BAZ2B: variants seen among roughly 807,000 people sequenced by gnomAD.
BAZ2B encodes the protein bromodomain adjacent to zinc finger domain 2B, also known as bromodomain adjacent to zinc finger domain protein 2B.
A neutral mutation model predicts 246.0 loss-of-function variants in BAZ2B; 91 were observed. That is an observed-to-expected ratio of 0.37 (90% CI 0.31 to 0.44). BAZ2B has a LOEUF of 0.44. Ranked by LOEUF, BAZ2B falls within the 20% of genes least tolerant of loss-of-function variation. The pLI is 1.00. For synonymous variants in BAZ2B, 855 were observed against 860.0 expected, an observed-to-expected ratio of 0.99 and a Z score of 0.10; for missense variants, 2,332 against 2,533.7, an observed-to-expected ratio of 0.92 and a Z score of 1.71.
intron 6 of BAZ2B, among the ~76,000 whole-genome samples, chr2:159,445,398 A>G (rs555385736): frequency 1.3e-5 from 2 of 152,338 alleles, no homozygotes; most frequent in African/African-American, 2.4e-5. Context: ...GAGTAATGAA[A>G]TAAAGATAAC....
the BAZ2B span, among the ~76,000 whole-genome samples, chr2:159,704,470 A>T: frequency 2.6e-4 from 24 of 93,774 alleles, no homozygotes; most frequent in African/African-American, 4.0e-4. Context: ...CTCCCTCTCT[A>T]TCTTTCTTTT....
At chr2:159,325,560 T>G (rs371805580) in intron 35 of BAZ2B, 93 bp downstream of exon 35, 2 of 1,340,140 alleles carry the variant, frequency 1.5e-6, no homozygotes. Flanking sequence ...TTTACATAAA[T>G]TATCAGAAAG....
rs188526408 is a variant in BAZ2B, at chr2:159,399,562, C to T, written c.2899-668G>A. Among the ~76,000 whole-genome samples the T allele has an allele frequency of 2.4e-4, 36 of 151,992 alleles. No homozygotes were observed. In the East Asian group the frequency reaches 2.7e-3, roughly 11 times the overall value. On this transcript the variant is annotated intron_variant, in intron 17 of 36. Coordinates refer to ENST00000392783, the MANE Select transcript of BAZ2B (RefSeq NM_013450.4). ...GACCATGCTATTTATCAAACATAAGCTTCATAATCTTAAAATCATTAACTG... is the reference window on the plus strand; with the variant it reads ...GACCATGCTATTTATCAAACATAAGTTTCATAATCTTAAAATCATTAACTG...
intron 27 of BAZ2B, among the ~76,000 whole-genome samples, chr2:159,352,538 T>G (rs2058675256): frequency 6.6e-6 from 1 of 150,692 alleles, no homozygotes; most frequent in Admixed American, 6.7e-5. Flanking sequence ...CAGGCTGGAG[T>G]GCAGTGGTGT....
intron 14 of BAZ2B, 92 bp downstream of exon 14, chr2:159,412,243 G>A: frequency 7.8e-7 from 1 of 1,282,378 alleles, no homozygotes; most frequent in East Asian, 2.5e-5. Flanking sequence ...TAAAAATTGA[G>A]AGCAGTGTCA....
intron 6 of BAZ2B, among the ~76,000 whole-genome samples, chr2:159,443,547 T>G (rs915823409): frequency 6.6e-6 from 1 of 152,178 alleles, no homozygotes; most frequent in African/African-American, 2.4e-5. Flanking sequence ...TAGGATTTTC[T>G]TCTTTAGTTC....
chr2:159,588,214 C>CAA (rs556237766), intron 1 of BAZ2B, among the ~76,000 whole-genome samples: 9,593 of 109,110 alleles, frequency 0.088, 1,246 homozygotes, highest in African/African-American at 0.29. Context: ...GACCCTGCAT[C>CAA]AAAAAAAAAA....
At chr2:159,533,990 G>T (rs892548230) in intron 2 of BAZ2B, among the ~76,000 whole-genome samples, 12 of 152,228 alleles carry the variant, frequency 7.9e-5, no homozygotes, top group African/African-American at 2.6e-4. Context: ...AATAAATATT[G>T]TAAGTTTTCC....
intron 25 of BAZ2B, among the ~76,000 whole-genome samples, chr2:159,375,350 A>G (rs1297547324): frequency 6.6e-6 from 1 of 152,220 alleles, no homozygotes; most frequent in African/African-American, 2.4e-5. Context: ...ATACCAAGGG[A>G]GGCTTTATGA....
In BAZ2B at chr2:159,403,495, C is replaced by T. The variant is rs575150381; in HGVS notation, c.2832+1354G>A. On this transcript the variant is annotated intron_variant, in intron 16 of 36. Transcript: ENST00000392783. ...TTAGTAAATAGAATAAGCTATAAAA[C>T]TTTTTCAATAAAAGTATAACAGAAA... Among the ~76,000 whole-genome samples the T allele has an allele frequency of 2.0e-4, 30 of 152,146 alleles. 1 individual carries two copies. In the South Asian group the frequency reaches 6.2e-3, roughly 32 times the overall value.
chr2:159,574,754 G>C (rs898836446), intron 1 of BAZ2B, among the ~76,000 whole-genome samples: 1 of 152,164 alleles, frequency 6.6e-6, no homozygotes, highest in African/African-American at 2.4e-5. Flanking sequence ...GGGAGGCTGA[G>C]GCAGGTGGAT....
chr2:159,358,931 GTA>G (rs2059396521), intron 27 of BAZ2B, among the ~76,000 whole-genome samples: 1 of 152,066 alleles, frequency 6.6e-6, no homozygotes, highest in Non-Finnish European at 1.5e-5. Context: ...AAGACACAAC[GTA>G]CCAGAATCTC....
the BAZ2B span, among the ~76,000 whole-genome samples, chr2:159,691,989 C>T: frequency 2.6e-5 from 4 of 151,996 alleles, no homozygotes; most frequent in African/African-American, 9.7e-5. Flanking sequence ...GCTTACATTT[C>T]TCTCCACTGT....
At chr2:159,595,897 G>A (rs1351313692) in intron 1 of BAZ2B, among the ~76,000 whole-genome samples, 2 of 152,204 alleles carry the variant, frequency 1.3e-5, no homozygotes, top group Non-Finnish European at 2.9e-5. Flanking sequence ...TTTTCTGTAT[G>A]TCACTTCCTT....
At chr2:159,424,603 A>G (rs2069424559) in intron 13 of BAZ2B, among the ~76,000 whole-genome samples, 1 of 152,192 alleles carries the variant, frequency 6.6e-6, no homozygotes, top group Non-Finnish European at 1.5e-5. Context: ...AAGATTAAAA[A>G]ATGATGAAAA....
chr2:159,498,208 C>A (rs544465135), intron 2 of BAZ2B, among the ~76,000 whole-genome samples: 2 of 151,978 alleles, frequency 1.3e-5, no homozygotes, highest in African/African-American at 4.8e-5. Flanking sequence ...TTTGTTCTTA[C>A]GTGTTTGGCC....
chr2:159,448,414 A>G lies in BAZ2B; in HGVS notation c.335-5T>C. 1 of 1,532,850 alleles carries G rather than the reference A, an allele frequency of 6.5e-7. No homozygotes were observed. Among genetic ancestry groups the G allele is most frequent in the Non-Finnish European group, 8.7e-7 (1 of 1,145,816 alleles). The allele number at this position is 1,532,850 out of a possible 1,614,324, so 95.0% of individuals were successfully genotyped here. A position where few individuals can be genotyped will look rare whatever the true frequency, so the allele number is the denominator to read the frequency against. ...TTGTTCGCCACCATTCTGCACCTCA[A>G]AACCAAACAAACCAACCAAACAAAA... On this transcript the variant is annotated splice_region_variant and splice_polypyrimidine_tract_variant and intron_variant, in intron 4 of 36. Coordinates refer to ENST00000392783, the MANE Select transcript of BAZ2B (RefSeq NM_013450.4).
At chr2:159,391,155 A>T (rs149599169) in intron 20 of BAZ2B, among the ~76,000 whole-genome samples, 50 of 152,298 alleles carry the variant, frequency 3.3e-4, no homozygotes, top group African/African-American at 1.1e-3. Flanking sequence ...CAGAGTAATG[A>T]ATTAGCATCA....
downstream of BAZ2B, among the ~76,000 whole-genome samples, chr2:159,317,446 C>G (rs1203824422): frequency 2.0e-5 from 3 of 152,128 alleles, no homozygotes; most frequent in Admixed American, 2.0e-4. Flanking sequence ...TTTAGGTGTA[C>G]CTATAGACAC....
Sources: allele counts gnomAD v4.1 joint callset (sites outside exome capture counted in the v4.1 genomes callset), GRCh38; gene constraint gnomAD v4.1.1; transcripts MANE v1.5; gene names NCBI Gene and HGNC (gene_info 2026-07-23, HGNC 2026-07-21).